The following CNTN5 variants were observed in gnomAD, a reference collection of about 807,000 sequenced individuals.
CNTN5 encodes the protein contactin 5, also known as contactin-5.
Under a neutral mutation model 129.1 loss-of-function variants are expected in CNTN5, and 77 were observed. That is an observed-to-expected ratio of 0.60 (90% CI 0.50 to 0.72). CNTN5 has a LOEUF of 0.72. Ranked by LOEUF, CNTN5 falls within the 30% of genes least tolerant of loss-of-function variation. The pLI is 0.00. For missense variants in CNTN5, 1,478 were observed against 1,328.8 expected (o/e 1.11, Z -1.75); for synonymous variants, 509 against 465.6 (o/e 1.09, Z -1.20).
At chr11:99,554,200 C>T (rs1008288938) in intron 2 of CNTN5, among the ~76,000 whole-genome samples, 3 of 152,058 alleles carry the variant, frequency 2.0e-5, no homozygotes, top group Admixed American at 2.0e-4. Flanking sequence ...CACCTTCTAT[C>T]CTCCGGTCAC....
Position 99,892,288 on chromosome 11 carries a change from C to G in CNTN5, c.578-23766C>G, listed in dbSNP as rs145037635. Reference sequence around the variant, plus strand: ...TCATTCTGTAGGTTGCCTGTTCACTCTAATGACAGTTTCTTTTGCTCTGCA... The same window carrying G: ...TCATTCTGTAGGTTGCCTGTTCACTGTAATGACAGTTTCTTTTGCTCTGCA... On this transcript the variant is annotated intron_variant, in intron 6 of 24. Transcript: ENST00000524871. 1.2e-4 allele frequency among the ~76,000 whole-genome samples: 19 copies of G among 152,260 alleles called. No individual in the cohort carries two copies. In the East Asian group the frequency reaches 3.7e-3, roughly 29 times the overall value.
At chr11:99,503,620 C>A (rs972839602) in intron 2 of CNTN5, among the ~76,000 whole-genome samples, 3 of 152,078 alleles carry the variant, frequency 2.0e-5, no homozygotes, top group Admixed American at 2.0e-4. Context: ...TGTTGGACTG[C>A]AAAGTACTGA....
intron 3 of CNTN5, among the ~76,000 whole-genome samples, chr11:99,741,011 A>T (rs1232613443): frequency 6.6e-6 from 1 of 152,120 alleles, no homozygotes; most frequent in Non-Finnish European, 1.5e-5. Context: ...TGCATCTTGA[A>T]TCCCACATTT....
chr11:100,337,049 T>C (rs931857236), intron 21 of CNTN5: 7 of 1,053,750 alleles, frequency 6.6e-6, no homozygotes, highest in African/African-American at 6.3e-5. Context: ...GTGTTCAAAA[T>C]TGGCAATGCT....
chr11:99,893,006 A>C (rs1949105714), intron 6 of CNTN5, among the ~76,000 whole-genome samples: 1 of 152,160 alleles, frequency 6.6e-6, no homozygotes, highest in Non-Finnish European at 1.5e-5. Flanking sequence ...CATGAGCATT[A>C]AGTGCTCTAT....
chr11:100,352,777 T>A (rs1328512966), intron 24 of CNTN5, among the ~76,000 whole-genome samples: 1 of 151,808 alleles, frequency 6.6e-6, no homozygotes, highest in East Asian at 1.9e-4. Context: ...TGTCTCTGCA[T>A]TAATTATTTC....
At position 100,357,351 on chromosome 11, in the gene CNTN5, C is replaced by T. The variant is rs1457645535; in HGVS notation, c.*1131C>T. ...TAATTAAGCTGTGGAAACATGGCAT[C>T]AGTACAGGGATTCAGCTAGTCTAGC... On this transcript the variant is annotated 3_prime_UTR_variant, in exon 25 of 25. Transcript: ENST00000524871. 6.6e-6 allele frequency: 1 copy of T among 151,732 alleles called. No individual in the cohort carries two copies. Among genetic ancestry groups the T allele is most frequent in the Admixed American group, 6.6e-5 (1 of 15,156 alleles). The allele number at this position is 151,732 out of a possible 1,614,324, so 9.4% of individuals were successfully genotyped here.
At chr11:99,070,565 ATATACT>A (rs1475619083) in intron 1 of CNTN5, among the ~76,000 whole-genome samples, 41 of 152,202 alleles carry the variant, frequency 2.7e-4, no homozygotes, top group African/African-American at 9.1e-4. Context: ...AGATAGACAA[ATATACT>A]TTTACAATAA....
intron 20 of CNTN5, among the ~76,000 whole-genome samples, chr11:100,305,364 T>C (rs564653491): frequency 6.6e-6 from 1 of 151,760 alleles, no homozygotes; most frequent in South Asian, 2.1e-4. Flanking sequence ...CTGGCATATG[T>C]AGAAGCACAT....
At chr11:100,074,359 C>T in intron 13 of CNTN5, 65 bp downstream of exon 13, 1 of 1,305,224 alleles carries the variant, frequency 7.7e-7, no homozygotes, top group South Asian at 1.3e-5. Flanking sequence ...GTGACACACA[C>T]AAACTATGCA....
chr11:99,689,464 T>G (rs901916958), intron 3 of CNTN5, among the ~76,000 whole-genome samples: 1 of 138,376 alleles, frequency 7.2e-6, no homozygotes, highest in Non-Finnish European at 1.5e-5. Flanking sequence ...GAGGTGGAGC[T>G]TGCAGTGAGC....
At chr11:100,213,813 T>C (rs1272743646) in intron 15 of CNTN5, among the ~76,000 whole-genome samples, 4 of 152,196 alleles carry the variant, frequency 2.6e-5, no homozygotes, top group Non-Finnish European at 4.4e-5. Flanking sequence ...TAAGTATTTT[T>C]GAAGTTGATG....
intron 3 of CNTN5, among the ~76,000 whole-genome samples, chr11:99,610,742 G>A (rs1212678116): frequency 1.3e-5 from 2 of 152,112 alleles, no homozygotes; most frequent in Admixed American, 1.3e-4. Flanking sequence ...ATAATGAAAG[G>A]TCGCAAGCTT....
At chr11:99,863,498 A>G (rs1365473838) in intron 6 of CNTN5, among the ~76,000 whole-genome samples, 1 of 152,130 alleles carries the variant, frequency 6.6e-6, no homozygotes, top group Admixed American at 6.6e-5. Flanking sequence ...GGATGTGAGG[A>G]AGTGAATATA....
At chr11:99,832,478 C>G (rs1359657602) in intron 4 of CNTN5, among the ~76,000 whole-genome samples, 1 of 152,144 alleles carries the variant, frequency 6.6e-6, no homozygotes. Flanking sequence ...GCTACACTAC[C>G]CATGAAACAT....
At chr11:99,880,664 T>G (rs970205855) in intron 6 of CNTN5, among the ~76,000 whole-genome samples, 4 of 152,200 alleles carry the variant, frequency 2.6e-5, no homozygotes, top group Non-Finnish European at 4.4e-5. Flanking sequence ...TCTGTAATAC[T>G]ATGAATTGCT....
chr11:99,901,461 T>G (rs1369305353), intron 6 of CNTN5, among the ~76,000 whole-genome samples: 1 of 152,016 alleles, frequency 6.6e-6, no homozygotes, highest in Non-Finnish European at 1.5e-5. Context: ...CTGCTAATTT[T>G]TTGTGTATTT....
intron 6 of CNTN5, among the ~76,000 whole-genome samples, chr11:99,906,301 A>G (rs1949504235): frequency 6.6e-6 from 1 of 152,122 alleles, no homozygotes; most frequent in African/African-American, 2.4e-5. Flanking sequence ...TTATTTTGAG[A>G]TAAGTTCCAT....
intron 1 of CNTN5, among the ~76,000 whole-genome samples, chr11:99,285,500 T>A (rs1486497799): frequency 6.6e-6 from 1 of 152,084 alleles, no homozygotes; most frequent in East Asian, 1.9e-4. Flanking sequence ...GTGCTGTTTT[T>A]TAAAATGGAA....
Sources: gnomAD v4.1 joint callset for allele counts (sites outside exome capture counted in the v4.1 genomes callset) on GRCh38, gnomAD v4.1.1 for gene constraint, MANE v1.5 for transcripts, NCBI Gene and HGNC (gene_info 2026-07-23, HGNC 2026-07-21) for gene names.